Variants in CCDC178 observed in about 807,000 individuals in gnomAD.
CCDC178 encodes coiled-coil domain-containing protein 178.
CCDC178 carries 126 observed loss-of-function variants against 117.4 expected under a neutral mutation model. The ratio of observed to expected loss-of-function variants is 1.07; its 90% confidence interval spans 0.93 to 1.24. The LOEUF (loss-of-function observed/expected upper bound fraction) is 1.24. Ranked by LOEUF, CCDC178 falls within the 50% of genes most tolerant of loss-of-function variation. The pLI, the probability that CCDC178 is intolerant of heterozygous loss-of-function variation, is 0.00. For synonymous variants in CCDC178, 283 were observed against 313.4 expected, an observed-to-expected ratio of 0.90 and a Z score of 1.02; for missense variants, 1,030 against 986.9, an observed-to-expected ratio of 1.04 and a Z score of -0.59.
chr18:33,328,162 C>T (rs559067840), intron 10 of CCDC178: 35 of 281,004 alleles, frequency 1.2e-4, no homozygotes, highest in Middle Eastern at 1.0e-3. Context: ...AGTGCAGTGG[C>T]GCGATCTCGG....
At chr18:33,052,190 A>G (rs532012157) in intron 21 of CCDC178, among the ~76,000 whole-genome samples, 2 of 152,312 alleles carry the variant, frequency 1.3e-5, no homozygotes, top group South Asian at 4.1e-4. Context: ...TGTTATAACT[A>G]GAGAACCAAG....
intron 14 of CCDC178, among the ~76,000 whole-genome samples, chr18:33,252,216 A>G (rs2059625717): frequency 6.6e-6 from 1 of 151,780 alleles, no homozygotes; most frequent in Non-Finnish European, 1.5e-5. Context: ...AGGACGGAAG[A>G]AAAGATTGTT....
intron 2 of CCDC178, among the ~76,000 whole-genome samples, chr18:33,425,588 T>C (rs1328463568): frequency 1.3e-5 from 2 of 152,218 alleles, no homozygotes; most frequent in Non-Finnish European, 2.9e-5. Flanking sequence ...CAATTATCTC[T>C]AGAGGATTTT....
chr18:33,058,403 T>C (rs530588375), intron 21 of CCDC178, among the ~76,000 whole-genome samples: 1 of 152,236 alleles, frequency 6.6e-6, no homozygotes, highest in East Asian at 1.9e-4. Flanking sequence ...AACCCCCAAA[T>C]GTGGACAACT....
Position 32,938,046 on chromosome 18 carries a change from T to A in CCDC178, c.2569A>T (p.Thr857Ser). Reference protein sequence around the residue: ...LMQHILGFFQTLTDGTCENDG With the variant: ...LMQHILGFFQSLTDGTCENDG ...TTTTCGCATGTGCCATCTGTCAAAG[T>A]CTGGAAGAAACCTAAGATGTGTTGC... Residue 857 changes from threonine (T) to serine (S), a missense_variant, in exon 23 of 23, where the codon ACT becomes TCT. Thr to Ser is a moderately conservative substitution (Grantham distance 58). Transcript: ENST00000383096. 6.2e-7 allele frequency: 1 copy of A among 1,613,868 alleles called. No homozygotes were observed. Among genetic ancestry groups the A allele is most frequent in the Non-Finnish European group, 8.5e-7 (1 of 1,179,830 alleles).
intron 20 of CCDC178, among the ~76,000 whole-genome samples, chr18:33,106,905 A>C (rs1002706259): frequency 1.3e-5 from 2 of 151,776 alleles, no homozygotes; most frequent in African/African-American, 4.8e-5. Context: ...CTACAAGCCA[A>C]GGAATGCAGG....
At chr18:33,334,554 T>G (rs574442816) in intron 9 of CCDC178, among the ~76,000 whole-genome samples, 1 of 152,184 alleles carries the variant, frequency 6.6e-6, no homozygotes, top group Admixed American at 6.5e-5. Flanking sequence ...TAGTTTATTT[T>G]CTTTTTTATC....
At chr18:33,297,581 C>G (rs374410736) in intron 11 of CCDC178, among the ~76,000 whole-genome samples, 3 of 151,984 alleles carry the variant, frequency 2.0e-5, no homozygotes, top group African/African-American at 7.3e-5. Context: ...TAGAGGAAAT[C>G]GATAAATTCC....
intron 4 of CCDC178, among the ~76,000 whole-genome samples, chr18:33,390,264 T>C (rs2063548266): frequency 6.6e-6 from 1 of 151,796 alleles, no homozygotes; most frequent in South Asian, 2.1e-4. Context: ...AAAAATATAT[T>C]ATCATTTATT....
chr18:33,281,787 C>T (rs2060028979), intron 12 of CCDC178, among the ~76,000 whole-genome samples: 1 of 152,200 alleles, frequency 6.6e-6, no homozygotes, highest in Non-Finnish European at 1.5e-5. Context: ...ATTCAACTTT[C>T]ATTATTTGTT....
intron 14 of CCDC178, among the ~76,000 whole-genome samples, chr18:33,266,652 G>C (rs2059819430): frequency 7.3e-6 from 1 of 136,330 alleles, no homozygotes. Context: ...GGGGTAGGGG[G>C]AGGGGGGAGG....
At chr18:33,017,548 T>C (rs1433663280) in intron 21 of CCDC178, among the ~76,000 whole-genome samples, 1 of 151,832 alleles carries the variant, frequency 6.6e-6, no homozygotes. Flanking sequence ...ATAATCCCAA[T>C]AAAAAGTCAA....
In CCDC178 at chr18:32,982,413, A is replaced by C. The variant is rs149480407; in HGVS notation, c.2389-7732T>G. On this transcript the variant is annotated intron_variant, in intron 21 of 22. Coordinates refer to ENST00000383096, the MANE Select transcript of CCDC178 (RefSeq NM_001105528.4). ...AGACCAGTCAATACTGAAAACAAAAAGTCCTTTAGAATACAAAGATGATAG... is the reference window on the plus strand; with the variant it reads ...AGACCAGTCAATACTGAAAACAAAACGTCCTTTAGAATACAAAGATGATAG... Among the ~76,000 whole-genome samples the C allele has an allele frequency of 4.0e-3, 613 of 152,274 alleles. 3 individuals carry two copies. Among genetic ancestry groups the C allele is most frequent in the Middle Eastern group, 0.02 (6 of 294 alleles).
rs193301962 is a variant in CCDC178 at position 33,344,824 on chromosome 18, C to A, written c.658+1387G>T. ...TAAAGCACACACACACACACACACA[C>A]ACACACACACACACACACACACACA... On this transcript the variant is annotated intron_variant, in intron 9 of 22. Transcript: ENST00000383096. 7.0e-4 allele frequency among the ~76,000 whole-genome samples: 104 copies of A among 148,656 alleles called. No homozygotes were observed. The East Asian group carries it at 0.02, about 28-fold the overall frequency.
chr18:33,202,872 A>G (rs2144561502), intron 20 of CCDC178, among the ~76,000 whole-genome samples: 1 of 152,340 alleles, frequency 6.6e-6, no homozygotes, highest in South Asian at 2.1e-4. Flanking sequence ...TGTGTATCAC[A>G]TTACTAATAT....
intron 21 of CCDC178, among the ~76,000 whole-genome samples, chr18:33,004,382 G>A (rs993522485): frequency 3.9e-5 from 6 of 152,092 alleles, no homozygotes; most frequent in Admixed American, 1.3e-4. Context: ...AACATACACC[G>A]AGGAAGACAG....
intron 21 of CCDC178, among the ~76,000 whole-genome samples, chr18:33,034,111 A>G (rs2056397907): frequency 6.6e-6 from 1 of 151,970 alleles, no homozygotes; most frequent in Admixed American, 6.6e-5. Context: ...GAAACCTTGG[A>G]GTCATCCTAG....
At chr18:33,285,885 A>T (rs2144845949) in intron 12 of CCDC178, among the ~76,000 whole-genome samples, 1 of 152,286 alleles carries the variant, frequency 6.6e-6, no homozygotes, top group East Asian at 1.9e-4. Context: ...CCAATTTCAC[A>T]GATGTCATTT....
chr18:33,225,686 C>A (rs1037361782), intron 16 of CCDC178, among the ~76,000 whole-genome samples: 1 of 152,164 alleles, frequency 6.6e-6, no homozygotes, highest in African/African-American at 2.4e-5. Flanking sequence ...ACTAACAGGT[C>A]TTTCCAGTTA....
Sources: allele counts gnomAD v4.1 joint callset (sites outside exome capture counted in the v4.1 genomes callset), GRCh38; gene constraint gnomAD v4.1.1; transcripts MANE v1.5; gene names NCBI Gene and HGNC (gene_info 2026-07-23, HGNC 2026-07-21).